Variants in PIK3CD observed in about 807,000 individuals in gnomAD.
The protein encoded by PIK3CD is phosphatidylinositol-4,5-bisphosphate 3-kinase catalytic subunit delta.
Under a neutral mutation model 122.9 loss-of-function variants are expected in PIK3CD, and 20 were observed. That is an observed-to-expected ratio of 0.16 (90% CI 0.11 to 0.24). The LOEUF is 0.24. PIK3CD is among the 10% of genes least tolerant of loss of function. The pLI, the probability that PIK3CD is intolerant of heterozygous loss-of-function variation, is 1.00. For synonymous variants in PIK3CD, 596 were observed against 593.4 expected, an observed-to-expected ratio of 1.00 and a Z score of -0.06; for missense variants, 787 against 1,406.3, an observed-to-expected ratio of 0.56 and a Z score of 7.04.
rs575042880 is a variant in PIK3CD at position 9,668,873 on chromosome 1, G to A, written c.-138+17071G>A. Among the ~76,000 whole-genome samples, 123 of 152,272 alleles carry A rather than the reference G, an allele frequency of 8.1e-4. 1 individual carries two copies. The highest frequency in any genetic ancestry group is 1.3e-3 in the Non-Finnish European group (91 of 68,028). ...CTCCCATGTGGTCTTAGCTCCCTGA[G>A]CAGATGAGTAGGGGCTGACGGGGCT... On this transcript the variant is annotated intron_variant, in intron 1 of 23. Transcript: ENST00000377346.
chr1:9,705,748 A>G lies in PIK3CD; in HGVS notation c.-32-4676A>G, dbSNP rs564629473. Among the ~76,000 whole-genome samples the G allele has an allele frequency of 7.9e-5, 12 of 152,054 alleles. No individual in the cohort carries two copies. In the South Asian group the frequency reaches 1.7e-3, roughly 21 times the overall value. On this transcript the variant is annotated intron_variant, in intron 2 of 23. Coordinates refer to ENST00000377346, the MANE Select transcript of PIK3CD (RefSeq NM_005026.5). ...ATAAAGGTTTTATGGAAAATCAGGGAAATGCAAATTAAAACGAGATAATTT... is the reference window on the plus strand; with the variant it reads ...ATAAAGGTTTTATGGAAAATCAGGGGAATGCAAATTAAAACGAGATAATTT...
At chr1:9,630,998 T>C in the PIK3CD span, among the ~76,000 whole-genome samples, 28 of 152,150 alleles carry the variant, frequency 1.8e-4, no homozygotes, top group Admixed American at 1.2e-3. Context: ...ACAGAGTTCA[T>C]GCCCCAGCCT....
Sources: allele counts gnomAD v4.1 joint callset (sites outside exome capture counted in the v4.1 genomes callset), GRCh38; gene constraint gnomAD v4.1.1; transcripts MANE v1.5; gene names NCBI Gene and HGNC (gene_info 2026-07-23, HGNC 2026-07-21).